YWHAQ: variants seen among roughly 807,000 people sequenced by gnomAD.
The protein encoded by YWHAQ is 14-3-3 protein theta.
Under a neutral mutation model 28.3 loss-of-function variants are expected in YWHAQ, and 6 were observed. The observed-to-expected ratio is 0.21, with a 90% CI of 0.12 to 0.42. The LOEUF (loss-of-function observed/expected upper bound fraction) is 0.42, where lower values mean the gene tolerates loss of function less well. Among genes scored for constraint, YWHAQ ranks in the 10% least tolerant of loss-of-function variants. The probability of loss-of-function intolerance (pLI) is 1.00; values close to 1 mark genes in which losing one functional copy is unlikely to be tolerated. For synonymous variants in YWHAQ, 143 were observed against 119.1 expected (o/e 1.20, Z -1.31); for missense variants, 201 against 305.6 (o/e 0.66, Z 2.55).
chr2:9,593,883 A>G (rs1666508724), intron 2 of YWHAQ, among the ~76,000 whole-genome samples: 1 of 126,790 alleles, frequency 7.9e-6, no homozygotes, highest in African/African-American at 3.4e-5. Context: ...AATTGAAAAA[A>G]TATTTTAAAT....
In YWHAQ at chr2:9,591,385, A is replaced by G. The variant is rs541118173; in HGVS notation, c.418+7T>C. The stretch of plus-strand genomic sequence containing the variant: ...TCTACTTTTGCCCATATAACAAATA[A>G]ACTTACGTTTTCGATCATCACCACA... On this transcript the variant is annotated splice_region_variant and intron_variant, in intron 3 of 5. Coordinates refer to ENST00000238081, the MANE Select transcript of YWHAQ (RefSeq NM_006826.4). 1 of 1,608,612 alleles carries G rather than the reference A, an allele frequency of 6.2e-7. No individual in the cohort carries two copies. The highest frequency in any genetic ancestry group is 2.2e-5 in the East Asian group (1 of 44,820).
chr2:9,625,724 G>A (rs978931365), intron 2 of YWHAQ, among the ~76,000 whole-genome samples: 4 of 152,176 alleles, frequency 2.6e-5, no homozygotes, highest in Non-Finnish European at 4.4e-5. Context: ...ATAGTGTTTA[G>A]TGTGCAGTGA....
chr2:9,591,602 A>G (rs1666457422), intron 2 of YWHAQ, 87 bp from the exon 3 acceptor site: 21 of 1,470,376 alleles, frequency 1.4e-5, no homozygotes, highest in Non-Finnish European at 1.9e-5. Flanking sequence ...CCTAGCGGGC[A>G]TTTCAATCAT....
At chr2:9,629,082 G>A (rs1294921633) in intron 2 of YWHAQ, 3 of 151,234 alleles carry the variant, frequency 2.0e-5, no homozygotes, top group Admixed American at 6.6e-5. Context: ...GGGGGAGGAG[G>A]CCAGGGAGAA....
chr2:9,613,800 C>T (rs571183727), intron 2 of YWHAQ, among the ~76,000 whole-genome samples: 20 of 152,096 alleles, frequency 1.3e-4, no homozygotes, highest in African/African-American at 4.8e-4. Context: ...CTGCCCCAAA[C>T]AATTAACCAC....
At position 9,621,233 on chromosome 2, in the gene YWHAQ, A is replaced by C. The variant is rs560981980; in HGVS notation, c.294+8926T>G. On this transcript the variant is annotated intron_variant, in intron 2 of 5. Transcript: ENST00000238081. ...CACTGTCCCAGAGTATGGCCAATTA[A>C]GACGTCTTACACAGCATCTGGTAAC... Among the ~76,000 whole-genome samples, 18 of 152,308 alleles carry C rather than the reference A, an allele frequency of 1.2e-4. No individual in the cohort carries two copies. In the East Asian group the frequency reaches 3.5e-3, roughly 29 times the overall value.
At chr2:9,593,923 T>C (rs200469658) in intron 2 of YWHAQ, among the ~76,000 whole-genome samples, 25,816 of 134,290 alleles carry the variant, frequency 0.19, 2,697 homozygotes, top group Middle Eastern at 0.26. Context: ...TATATATATA[T>C]ACACACACAC....
Position 9,587,546 on chromosome 2 carries a change from T to C in YWHAQ, c.583-37A>G, listed in dbSNP as rs373719094. ...TAATATCCATGGTAAAATATGTGCA[T>C]TGACGAAAACTGGTTATTCTACAAT... is the stretch of plus-strand genomic sequence containing the variant. On this transcript the variant is annotated intron_variant, in intron 4 of 5. Coordinates refer to ENST00000238081, the MANE Select transcript of YWHAQ (RefSeq NM_006826.4). 58 of 1,547,706 alleles carry C rather than the reference T, an allele frequency of 3.7e-5. No individual in the cohort carries two copies. The African/African-American group carries it at 6.0e-4, about 16-fold the overall frequency.
intron 3 of YWHAQ, among the ~76,000 whole-genome samples, chr2:9,588,639 C>T (rs529553665): frequency 2.0e-5 from 3 of 152,140 alleles, no homozygotes; most frequent in Admixed American, 6.5e-5. Flanking sequence ...GGCGTGATGG[C>T]GGGCATCTGT....
At chr2:9,628,721 T>TTTTA (rs1279905426) in intron 2 of YWHAQ, 1 of 152,200 alleles carries the variant, frequency 6.6e-6, no homozygotes, top group Non-Finnish European at 1.5e-5. Context: ...TGGCAAAATT[T>TTTTA]TTTAATACGA....
intron 2 of YWHAQ, among the ~76,000 whole-genome samples, chr2:9,611,116 T>A (rs935896830): frequency 1.2e-4 from 18 of 152,200 alleles, no homozygotes; most frequent in African/African-American, 3.6e-4. Flanking sequence ...TATTTTCTTG[T>A]CCGGGTTTGA....
intron 2 of YWHAQ, among the ~76,000 whole-genome samples, chr2:9,616,741 T>C (rs1419373898): frequency 6.6e-6 from 1 of 152,194 alleles, no homozygotes. Context: ...GTAGAGAAAC[T>C]GGAACTCTCT....
chr2:9,595,676 C>G (rs1474522546), intron 2 of YWHAQ, among the ~76,000 whole-genome samples: 4 of 116,226 alleles, frequency 3.4e-5, no homozygotes, highest in Non-Finnish European at 6.8e-5. Flanking sequence ...CCAGCCTGGG[C>G]AACAAGAGCA....
At chr2:9,603,015 A>G (rs1367944769) in intron 2 of YWHAQ, among the ~76,000 whole-genome samples, 1 of 149,430 alleles carries the variant, frequency 6.7e-6, no homozygotes, top group Non-Finnish European at 1.5e-5. Flanking sequence ...AAGCCACCTC[A>G]CCTGACTGAG....
At chr2:9,604,427 T>C (rs1666776938) in intron 2 of YWHAQ, among the ~76,000 whole-genome samples, 1 of 152,160 alleles carries the variant, frequency 6.6e-6, no homozygotes, top group African/African-American at 2.4e-5. Context: ...ACTGACTCAG[T>C]GGAATAAGCA....
chr2:9,615,753 T>C (rs1273775374), intron 2 of YWHAQ, among the ~76,000 whole-genome samples: 1 of 152,072 alleles, frequency 6.6e-6, no homozygotes, highest in African/African-American at 2.4e-5. Flanking sequence ...GGAGAGATGA[T>C]CTCAGAAGAA....
intron 2 of YWHAQ, among the ~76,000 whole-genome samples, chr2:9,599,293 C>A (rs1199568799): frequency 6.6e-6 from 1 of 152,162 alleles, no homozygotes; most frequent in Admixed American, 6.5e-5. Flanking sequence ...GCTGAAGGTA[C>A]AAGTGCGAAT....
chr2:9,629,069 G>C (rs1667302781), intron 2 of YWHAQ: 1 of 150,984 alleles, frequency 6.6e-6, no homozygotes, highest in Non-Finnish European at 1.5e-5. Context: ...GGGGGGTGGG[G>C]GTGGGGGAGG....
rs1667335529 is a variant in YWHAQ, at chr2:9,630,212, C to T, written c.241G>A (p.Asp81Asn). 1 of 1,614,042 alleles carries T rather than the reference C, an allele frequency of 6.2e-7. No individual in the cohort carries two copies. The highest frequency in any genetic ancestry group is 1.3e-5 in the African/African-American group (1 of 75,060). Residue 81 changes from aspartate (D) to asparagine (N), a missense_variant, in exon 2 of 6, where the codon GAC (aspartate) becomes AAC (asparagine). This residue lies in a region of YWHAQ where 162 missense variants were observed against 213.9 expected (regional missense o/e 0.76). Coordinates refer to ENST00000238081, the MANE Select transcript of YWHAQ (RefSeq NM_006826.4). This position sits in a 1 kb window ranked among gnomAD's most constrained non-coding sequence, Gnocchi z 5.6. ...TSDKKLQLIK[D>N]YREKVESELR... is the part of the protein sequence containing the mutation. Reference sequence around the variant, plus strand: ...TCGGACTCCACTTTCTCCCGATAGTCCTTAATCAGCTGCAACTTCTTGTCG... The same window carrying T: ...TCGGACTCCACTTTCTCCCGATAGTTCTTAATCAGCTGCAACTTCTTGTCG...
Sources: gnomAD v4.1 joint callset for allele counts (sites outside exome capture counted in the v4.1 genomes callset) on GRCh38, gnomAD v4.1.1 for gene constraint, gnomAD v4.1.1 regional missense constraint, Gnocchi (gnomAD v3.1) non-coding constraint, MANE v1.5 for transcripts, NCBI Gene and HGNC (gene_info 2026-07-23, HGNC 2026-07-21) for gene names.